MACROD2: variants seen among roughly 807,000 people sequenced by gnomAD.
The protein encoded by MACROD2 is ADP-ribose glycohydrolase MACROD2.
In MACROD2, 36 loss-of-function variants were observed where a neutral mutation model predicts 70.4. The ratio of observed to expected loss-of-function variants is 0.51; its 90% CI spans 0.39 to 0.68. MACROD2 has a LOEUF of 0.68. MACROD2 is among the 30% of genes least tolerant of loss of function. The probability of loss-of-function intolerance (pLI) is 0.00; values close to 1 mark genes in which losing one functional copy is unlikely to be tolerated. For synonymous variants in MACROD2, 172 were observed against 178.8 expected, an observed-to-expected ratio of 0.96 and a Z score of 0.30; for missense variants, 496 against 538.4, an observed-to-expected ratio of 0.92 and a Z score of 0.78.
Position 15,699,799 on chromosome 20 carries a change from A to G in MACROD2, c.646-162946A>G, listed in dbSNP as rs1180531529. ...TTCTCAGCTCATTCAAATTGTTACA[A>G]AGTTCGACTAGAGAATTCCTTCTCC... On this transcript the variant is annotated intron_variant, in intron 8 of 17. Coordinates refer to ENST00000684519, the MANE Select transcript of MACROD2 (RefSeq NM_001351661.2). Among the ~76,000 whole-genome samples the G allele has an allele frequency of 2.6e-5, 4 of 152,144 alleles. No individual in the cohort carries two copies. In the East Asian group the frequency reaches 7.8e-4, roughly 30 times the overall value.
At chr20:14,215,335 TATACACACACACAC>T (rs1237255971) in intron 3 of MACROD2, among the ~76,000 whole-genome samples, 1,358 of 101,726 alleles carry the variant, frequency 0.013, 10 homozygotes, top group Non-Finnish European at 0.021. Flanking sequence ...TGCCATCATA[TATACACACACACAC>T]ACACACACAC....
intron 8 of MACROD2, among the ~76,000 whole-genome samples, chr20:15,794,741 C>T (rs1354274629): frequency 1.3e-5 from 2 of 152,140 alleles, no homozygotes; most frequent in East Asian, 1.9e-4. Flanking sequence ...GTCACCATCT[C>T]CTTATGGCCT....
At chr20:15,502,779 A>T (rs1036456424) in intron 8 of MACROD2, among the ~76,000 whole-genome samples, 1 of 152,076 alleles carries the variant, frequency 6.6e-6, no homozygotes, top group Admixed American at 6.5e-5. Context: ...GTTACAAACT[A>T]CCCCCAAATC....
chr20:15,014,938 T>C (rs1045670937), intron 5 of MACROD2, among the ~76,000 whole-genome samples: 1 of 152,092 alleles, frequency 6.6e-6, no homozygotes, highest in Admixed American at 6.5e-5. Context: ...TACTCTTTTG[T>C]AATAATTTTG....
chr20:14,571,352 G>A (rs1226488839), intron 4 of MACROD2, among the ~76,000 whole-genome samples: 1 of 151,992 alleles, frequency 6.6e-6, no homozygotes, highest in Non-Finnish European at 1.5e-5. Context: ...GTACTGCTTA[G>A]CCAGTAGGTA....
intron 8 of MACROD2, among the ~76,000 whole-genome samples, chr20:15,761,319 T>C (rs2051432572): frequency 6.6e-6 from 1 of 152,246 alleles, no homozygotes; most frequent in African/African-American, 2.4e-5. Context: ...GTGCTGGGAT[T>C]ATAGGCCTGA....
intron 15 of MACROD2, among the ~76,000 whole-genome samples, chr20:16,018,231 G>A (rs1223031936): frequency 6.6e-6 from 1 of 152,106 alleles, no homozygotes; most frequent in Non-Finnish European, 1.5e-5. Context: ...GCTCCCATAG[G>A]GAGAAGAAAT....
chr20:15,343,705 G>A (rs943487962), intron 6 of MACROD2, among the ~76,000 whole-genome samples: 4 of 152,112 alleles, frequency 2.6e-5, no homozygotes, highest in African/African-American at 9.7e-5. Flanking sequence ...AAGATACCAA[G>A]CAGCTTTAAT....
chr20:15,754,244 A>G (rs775887838), intron 8 of MACROD2, among the ~76,000 whole-genome samples: 1 of 152,206 alleles, frequency 6.6e-6, no homozygotes, highest in Non-Finnish European at 1.5e-5. Flanking sequence ...TTGTGTTTTT[A>G]TCTTTCCTTT....
chr20:14,651,782 A>G (rs558111093), intron 4 of MACROD2, among the ~76,000 whole-genome samples: 1 of 152,130 alleles, frequency 6.6e-6, no homozygotes, highest in Non-Finnish European at 1.5e-5. Context: ...ATGGACTCCA[A>G]CTATCTTCCT....
chr20:14,872,508 C>A (rs1359289757), intron 5 of MACROD2, among the ~76,000 whole-genome samples: 1 of 152,064 alleles, frequency 6.6e-6, no homozygotes, highest in Non-Finnish European at 1.5e-5. Flanking sequence ...ATCAGAGAGT[C>A]ATCATTCACG....
At chr20:15,016,348 C>A (rs1013442737) in intron 5 of MACROD2, among the ~76,000 whole-genome samples, 4 of 152,172 alleles carry the variant, frequency 2.6e-5, no homozygotes, top group African/African-American at 9.7e-5. Context: ...CTGTCCCAGG[C>A]TTCAGACTGC....
chr20:15,900,785 G>A (rs1191111798), intron 10 of MACROD2, among the ~76,000 whole-genome samples: 1 of 152,172 alleles, frequency 6.6e-6, no homozygotes, highest in Non-Finnish European at 1.5e-5. Context: ...TTCAGTATGA[G>A]TATGGACAGA....
chr20:15,345,828 C>T (rs2078159823), intron 6 of MACROD2, among the ~76,000 whole-genome samples: 1 of 152,150 alleles, frequency 6.6e-6, no homozygotes, highest in Non-Finnish European at 1.5e-5. Flanking sequence ...AGTTGCTGCT[C>T]AGAAGACAGT....
chr20:15,018,086 C>T (rs946349884), intron 5 of MACROD2, among the ~76,000 whole-genome samples: 7 of 152,144 alleles, frequency 4.6e-5, no homozygotes, highest in Admixed American at 1.3e-4. Context: ...CCTTTTCTAT[C>T]GAATAGTCAG....
chr20:14,284,509 A>G (rs2082329405), intron 3 of MACROD2, among the ~76,000 whole-genome samples: 1 of 152,220 alleles, frequency 6.6e-6, no homozygotes, highest in Non-Finnish European at 1.5e-5. Context: ...GATTTTAAAT[A>G]TTCTTGAGAG....
intron 5 of MACROD2, among the ~76,000 whole-genome samples, chr20:15,080,213 A>G (rs1256422844): frequency 6.6e-6 from 1 of 152,144 alleles, no homozygotes; most frequent in African/African-American, 2.4e-5. Context: ...CTTTTAGAGC[A>G]GAACTCCTCA....
At chr20:14,718,329 A>G (rs989681650) in intron 5 of MACROD2, among the ~76,000 whole-genome samples, 2 of 148,762 alleles carry the variant, frequency 1.3e-5, no homozygotes, top group Non-Finnish European at 3.0e-5. Context: ...GAAGAGATAT[A>G]TATGTGTATA....
chr20:14,815,505 G>A (rs1244571057), intron 5 of MACROD2, among the ~76,000 whole-genome samples: 2 of 151,950 alleles, frequency 1.3e-5, no homozygotes, highest in African/African-American at 4.8e-5. Context: ...GTGTGTGTGT[G>A]TGCACGCACA....
Sources: allele counts gnomAD v4.1 joint callset (sites outside exome capture counted in the v4.1 genomes callset), GRCh38; gene constraint gnomAD v4.1.1; transcripts MANE v1.5; gene names NCBI Gene and HGNC (gene_info 2026-07-23, HGNC 2026-07-21).